Variants in UBE2N observed in about 807,000 individuals in gnomAD.
UBE2N encodes the protein ubiquitin-conjugating enzyme E2 N.
For missense variants in UBE2N, 60 were observed against 192.1 expected, an observed-to-expected ratio of 0.31 and a Z score of 4.07; for synonymous variants, 70 against 69.2, an observed-to-expected ratio of 1.01 and a Z score of -0.06.
intron 1 of UBE2N, among the ~76,000 whole-genome samples, chr12:93,432,005 G>A (rs1288345958): frequency 3.9e-5 from 6 of 152,118 alleles, no homozygotes; most frequent in African/African-American, 1.2e-4. Context: ...AGGCTGAGGC[G>A]GGCGGATCAC....
intron 1 of UBE2N, among the ~76,000 whole-genome samples, chr12:93,419,815 C>A (rs1878350966): frequency 1.3e-5 from 2 of 152,124 alleles, no homozygotes; most frequent in Non-Finnish European, 2.9e-5. Flanking sequence ...TAGATTCCAA[C>A]AGTAAATAAA....
chr12:93,415,731 C>G (rs914928146), intron 1 of UBE2N, among the ~76,000 whole-genome samples: 2 of 152,020 alleles, frequency 1.3e-5, no homozygotes, highest in Non-Finnish European at 2.9e-5. Flanking sequence ...TTTAGAAAGC[C>G]ATAAATTGGG....
chr12:93,413,524 G>C (rs896005277), intron 1 of UBE2N, among the ~76,000 whole-genome samples: 2 of 151,894 alleles, frequency 1.3e-5, no homozygotes, highest in Non-Finnish European at 2.9e-5. Flanking sequence ...ATACACTCTT[G>C]AATGTCTAAT....
chr12:93,438,558 G>A (rs1395810957), intron 1 of UBE2N, among the ~76,000 whole-genome samples: 20 of 152,024 alleles, frequency 1.3e-4, no homozygotes. Context: ...AATGAATGCA[G>A]GGCCTTATAG....
chr12:93,418,045 AG>A (rs1284742396), intron 1 of UBE2N, among the ~76,000 whole-genome samples: 1 of 152,094 alleles, frequency 6.6e-6, no homozygotes, highest in Non-Finnish European at 1.5e-5. Flanking sequence ...TATGTTGCCC[AG>A]GCTGGTCTCC....
intron 1 of UBE2N, among the ~76,000 whole-genome samples, chr12:93,416,426 A>C (rs1314348371): frequency 6.6e-6 from 1 of 151,982 alleles, no homozygotes; most frequent in African/African-American, 2.4e-5. Flanking sequence ...AAAGGGCTAA[A>C]ATTCCTACTG....
At chr12:93,412,099 T>C (rs2121056859) in intron 1 of UBE2N, among the ~76,000 whole-genome samples, 1 of 152,280 alleles carries the variant, frequency 6.6e-6, no homozygotes, top group African/African-American at 2.4e-5. Flanking sequence ...TAAAGAAATA[T>C]ATTTAACAAT....
At chr12:93,434,128 A>G (rs562794536) in intron 1 of UBE2N, among the ~76,000 whole-genome samples, 1 of 152,258 alleles carries the variant, frequency 6.6e-6, no homozygotes, top group Admixed American at 6.5e-5. Flanking sequence ...CGTCTCTACT[A>G]AAAATAAAAA....
chr12:93,438,506 C>T lies in UBE2N; in HGVS notation c.30+3349G>A, dbSNP rs116292848. 7.1e-3 allele frequency among the ~76,000 whole-genome samples: 1,075 copies of T among 151,706 alleles called. 10 individuals carry two copies. The highest frequency in any genetic ancestry group is 0.024 in the African/African-American group (992 of 41,312). On this transcript the variant is annotated intron_variant, in intron 1 of 3. Transcript: ENST00000318066. Reference sequence around the variant, plus strand: ...AACAGTGTGGCTACAGTGGAGTGACCCAGAGAGAGAAGTGCAGATGCGCTC... The same window carrying T: ...AACAGTGTGGCTACAGTGGAGTGACTCAGAGAGAGAAGTGCAGATGCGCTC...
At position 93,407,411 on chromosome 12, in the gene UBE2N, G is replaced by C. The variant is rs1436758511; in HGVS notation, c.*2628C>G. On this transcript the variant is annotated 3_prime_UTR_variant, in exon 4 of 4. Transcript: ENST00000318066. ...TCCCCAACAACTAGTGGGCAAACAT[G>C]AAACACTTTTGTTGAATAATGTGTT... The C allele has an allele frequency of 1.3e-5, 2 of 152,192 alleles. No individual in the cohort carries two copies. The highest frequency in any genetic ancestry group is 2.4e-5 in the African/African-American group (1 of 41,430). The allele number at this position is 152,192 out of a possible 1,614,324, so 9.4% of individuals were successfully genotyped here. A position where few individuals can be genotyped will look rare whatever the true frequency, so the allele number is the denominator to read the frequency against.
intron 1 of UBE2N, among the ~76,000 whole-genome samples, chr12:93,420,815 C>G (rs1878385438): frequency 6.6e-6 from 1 of 152,106 alleles, no homozygotes; most frequent in African/African-American, 2.4e-5. Flanking sequence ...AAGCTGAATT[C>G]CTTTATTTCT....
chr12:93,429,021 C>T (rs954788788), intron 1 of UBE2N, among the ~76,000 whole-genome samples: 2 of 152,094 alleles, frequency 1.3e-5, no homozygotes, highest in African/African-American at 4.8e-5. Flanking sequence ...CCTGTAATCC[C>T]AGCACTTTTG....
chr12:93,408,324 G>C lies in UBE2N; in HGVS notation c.*1715C>G, dbSNP rs146590886. Reference sequence around the variant, plus strand: ...AAGCTAACATTTGTTACCAAGCAATGCATTTATTTGGAAGGATACCAGTTA... The same window carrying C: ...AAGCTAACATTTGTTACCAAGCAATCCATTTATTTGGAAGGATACCAGTTA... On this transcript the variant is annotated 3_prime_UTR_variant, in exon 4 of 4. Transcript: ENST00000318066. 7.3e-4 allele frequency: 111 copies of C among 152,266 alleles called. No individual in the cohort carries two copies. Among genetic ancestry groups the C allele is most frequent in the African/African-American group, 2.6e-3 (107 of 41,558 alleles). 9.4% of individuals were successfully genotyped at this position (152,266 alleles called of 1,614,324 possible). A position where few individuals can be genotyped will look rare whatever the true frequency, so the allele number is the denominator to read the frequency against.
Position 93,414,632 on chromosome 12 carries a change from C to T in UBE2N, c.31-3333G>A, listed in dbSNP as rs147426223. The stretch of plus-strand genomic sequence containing the variant: ...GTAGTTCTTCAACGTGCCAGGCATC[C>T]GCTCACCTCAAGGGCTTTGTACTTC... On this transcript the variant is annotated intron_variant, in intron 1 of 3. Transcript: ENST00000318066. Among the ~76,000 whole-genome samples the T allele has an allele frequency of 6.6e-5, 10 of 152,154 alleles. No individual in the cohort carries two copies. The East Asian group carries it at 1.9e-3, about 29-fold the overall frequency.
intron 1 of UBE2N, among the ~76,000 whole-genome samples, chr12:93,421,197 CTT>C (rs62880060): frequency 3.1e-5 from 4 of 130,460 alleles, no homozygotes; most frequent in African/African-American, 1.2e-4. Context: ...CTTTTTCTTT[CTT>C]TTTTTTTTGG....
At chr12:93,422,091 T>C (rs1297737889) in intron 1 of UBE2N, among the ~76,000 whole-genome samples, 1 of 130,510 alleles carries the variant, frequency 7.7e-6, no homozygotes, top group Non-Finnish European at 1.5e-5. Context: ...CTCCATCTTT[T>C]TTCCCTCTTT....
intron 1 of UBE2N, among the ~76,000 whole-genome samples, chr12:93,431,969 C>A (rs1878784552): frequency 6.6e-6 from 1 of 152,160 alleles, no homozygotes; most frequent in Admixed American, 6.5e-5. Flanking sequence ...CGCGGTGGCT[C>A]CTGCCTGTAA....
At chr12:93,418,204 A>G (rs573529903) in intron 1 of UBE2N, among the ~76,000 whole-genome samples, 1 of 152,224 alleles carries the variant, frequency 6.6e-6, no homozygotes, top group African/African-American at 2.4e-5. Flanking sequence ...AAACCAAAAA[A>G]CTAAAAAAAT....
rs780051864 is a variant in UBE2N, at chr12:93,405,926, T to C, written c.*4113A>G. 1 of 152,158 alleles carries C rather than the reference T, an allele frequency of 6.6e-6. No individual in the cohort carries two copies. Among genetic ancestry groups the C allele is most frequent in the African/African-American group, 2.4e-5 (1 of 41,436 alleles). The allele number at this position is 152,158 out of a possible 1,614,324, so 9.4% of individuals were successfully genotyped here. A position where few individuals can be genotyped will look rare whatever the true frequency, so the allele number is the denominator to read the frequency against. ...CCTATTATCATGGTATTTTCTTTTT[T>C]GGCCAGCTTTTCTAGATAAGGTTGT... On this transcript the variant is annotated 3_prime_UTR_variant, in exon 4 of 4. Transcript: ENST00000318066.
Sources: gnomAD v4.1 joint callset for allele counts (sites outside exome capture counted in the v4.1 genomes callset) on GRCh38, gnomAD v4.1.1 for gene constraint, MANE v1.5 for transcripts, NCBI Gene and HGNC (gene_info 2026-07-23, HGNC 2026-07-21) for gene names.